The following OGA variants were observed in gnomAD, a reference collection of about 807,000 sequenced individuals.
The protein encoded by OGA is O-GlcNAcase, also known as protein O-GlcNAcase.
A neutral mutation model predicts 102.0 loss-of-function variants in OGA; 21 were observed. The observed-to-expected ratio is 0.21, with a 90% confidence interval of 0.15 to 0.30. The LOEUF is 0.30. Among genes scored for constraint, OGA ranks in the 10% least tolerant of loss-of-function variants. The probability of loss-of-function intolerance (pLI) is 1.00; values close to 1 mark genes in which losing one functional copy is unlikely to be tolerated. For missense variants in OGA, 765 were observed against 1,107.8 expected, an observed-to-expected ratio of 0.69 and a Z score of 4.39; for synonymous variants, 408 against 378.2, an observed-to-expected ratio of 1.08 and a Z score of -0.91.
At chr10:101,808,948 C>A (rs889668247) in intron 4 of OGA, among the ~76,000 whole-genome samples, 1 of 151,232 alleles carries the variant, frequency 6.6e-6, no homozygotes, top group Non-Finnish European at 1.5e-5. Context: ...CCAGCCTGGG[C>A]GACAGAGCAA....
At chr10:101,815,685 C>G (rs932460054) in intron 1 of OGA, among the ~76,000 whole-genome samples, 3 of 151,846 alleles carry the variant, frequency 2.0e-5, no homozygotes, top group African/African-American at 7.3e-5. Flanking sequence ...ATTAAACATC[C>G]TTTCAGAGTT....
intron 14 of OGA, among the ~76,000 whole-genome samples, chr10:101,788,229 G>A (rs2065214545): frequency 6.6e-6 from 1 of 151,294 alleles, no homozygotes; most frequent in Non-Finnish European, 1.5e-5. Flanking sequence ...CCTGAGCTCA[G>A]GAGTTTGTGA....
At chr10:101,803,310 G>A (rs1047491418) in intron 7 of OGA, among the ~76,000 whole-genome samples, 3 of 151,816 alleles carry the variant, frequency 2.0e-5, no homozygotes, top group Admixed American at 6.6e-5. Context: ...TTAAAAGACT[G>A]TCTCCTCTAG....
intron 4 of OGA, 66 bp from the exon 5 acceptor site, chr10:101,807,967 A>T: frequency 8.0e-7 from 1 of 1,256,820 alleles, no homozygotes; most frequent in Non-Finnish European, 1.1e-6. Flanking sequence ...TTACAGCGTT[A>T]ACAGTTATAC....
chr10:101,791,167 T>C, intron 13 of OGA, 79 bp from the exon 14 acceptor site: 1 of 1,423,918 alleles, frequency 7.0e-7, no homozygotes, highest in Non-Finnish European at 9.6e-7. Context: ...CAAGACCCAC[T>C]GTACTTGCAT....
chr10:101,803,904 C>T lies in OGA; in HGVS notation c.867G>A (p.Lys289=). Residue 289 remains lysine, a synonymous_variant, in exon 7 of 16, where the codon AAG becomes AAA. Transcript: ENST00000361464. ...DNIHANDYDQ[K]RLFLGPYKGR... ...CTTTGTACGGGCCCAGAAACAGTCT[C>T]TTCTGATCATAATCATTAGCATGAA... 6.2e-7 allele frequency: 1 copy of T among 1,614,240 alleles called. No individual in the cohort carries two copies. Among genetic ancestry groups the T allele is most frequent in the Non-Finnish European group, 8.5e-7 (1 of 1,180,038 alleles).
At chr10:101,808,969 CAA>C (rs879596374) in intron 4 of OGA, among the ~76,000 whole-genome samples, 1 of 139,720 alleles carries the variant, frequency 7.2e-6, no homozygotes. Flanking sequence ...GACTCAGTTT[CAA>C]AAAAAAAAAG....
chr10:101,810,095 G>C, intron 4 of OGA, 89 bp downstream of exon 4: 1 of 1,216,868 alleles, frequency 8.2e-7, no homozygotes, highest in Non-Finnish European at 1.1e-6. Flanking sequence ...ATAGGAATTT[G>C]ATTTCCTTTT....
chr10:101,817,734 C>A, intron 1 of OGA, 90 bp downstream of exon 1: 1 of 1,431,064 alleles, frequency 7.0e-7, no homozygotes, highest in Non-Finnish European at 9.4e-7. Flanking sequence ...GCTTTCCGGC[C>A]TTTTAGAGTC....
chr10:101,793,312 G>A (rs1039141042), intron 11 of OGA, among the ~76,000 whole-genome samples: 1 of 152,192 alleles, frequency 6.6e-6, no homozygotes, highest in African/African-American at 2.4e-5. Flanking sequence ...GTCAGGAGGA[G>A]AGGTTTGGTC....
At chr10:101,799,635 G>A (rs1589830263) in intron 8 of OGA, among the ~76,000 whole-genome samples, 180 bp from the exon 9 acceptor site, 1 of 152,166 alleles carries the variant, frequency 6.6e-6, no homozygotes, top group African/African-American at 2.4e-5. Context: ...AGGGATGCAG[G>A]AATGGAAGGG....
At chr10:101,799,903 C>T (rs1172680532) in intron 8 of OGA, among the ~76,000 whole-genome samples, 1 of 152,064 alleles carries the variant, frequency 6.6e-6, no homozygotes, top group Admixed American at 6.5e-5. Flanking sequence ...GACAGAGTCT[C>T]GCTCTGTCAC....
intron 7 of OGA, among the ~76,000 whole-genome samples, chr10:101,802,798 G>T (rs965095525): frequency 3.3e-5 from 5 of 151,308 alleles, no homozygotes; most frequent in African/African-American, 9.7e-5. Context: ...ATTAATTAGA[G>T]ATTTTTCATA....
intron 10 of OGA, among the ~76,000 whole-genome samples, chr10:101,794,250 TC>T (rs5787445): frequency 0.21 from 31,226 of 152,174 alleles, 3,548 homozygotes; most frequent in East Asian, 0.52. Context: ...GGAAAGTAAG[TC>T]CCAAGTTTGT....
At chr10:101,791,248 A>G in intron 13 of OGA, 106 bp downstream of exon 13, 1 of 1,225,986 alleles carries the variant, frequency 8.2e-7, no homozygotes, top group Non-Finnish European at 1.2e-6. Context: ...CTAAAGCCAA[A>G]GTGGGATTTA....
intron 10 of OGA, 93 bp from the exon 11 acceptor site, chr10:101,794,091 A>G: frequency 2.4e-6 from 2 of 823,648 alleles, no homozygotes; most frequent in African/African-American, 1.7e-5. Flanking sequence ...CTTCGTGGAA[A>G]TAACTCTCTA....
At chr10:101,797,915 G>T in intron 10 of OGA, 65 bp downstream of exon 10, 1 of 1,491,532 alleles carries the variant, frequency 6.7e-7, no homozygotes, top group Non-Finnish European at 9.3e-7. Flanking sequence ...TTTTCTCCCT[G>T]TGGGATAATT....
At chr10:101,808,638 A>G (rs937987807) in intron 4 of OGA, among the ~76,000 whole-genome samples, 3 of 152,192 alleles carry the variant, frequency 2.0e-5, no homozygotes, top group Non-Finnish European at 4.4e-5. Context: ...GCCTAAAGAA[A>G]TAAGACATGT....
rs893697434 is a variant in OGA, at chr10:101,800,279, T to C, written c.1158A>G (p.Glu386=). The C allele has an allele frequency of 6.2e-7, 1 of 1,614,128 alleles. No homozygotes were observed. The highest frequency in any genetic ancestry group is 8.5e-7 in the Non-Finnish European group (1 of 1,179,968). Residue 386 remains glutamate, a synonymous_variant, in exon 8 of 16, where the codon GAA becomes GAG. Transcript: ENST00000361464. Reference sequence around the variant, plus strand: ...GAGGCACACCAAACTCTTGCAACCATTCTGTTAATGCTAGCTTTAGAGCCA... The same window carrying C: ...GAGGCACACCAAACTCTTGCAACCACTCTGTTAATGCTAGCTTTAGAGCCA... ...PQMALKLALT[E]WLQEFGVPHQ...
Sources: gnomAD v4.1 joint callset for allele counts (sites outside exome capture counted in the v4.1 genomes callset) on GRCh38, gnomAD v4.1.1 for gene constraint, MANE v1.5 for transcripts, NCBI Gene and HGNC (gene_info 2026-07-23, HGNC 2026-07-21) for gene names.